Variants in SLC2A9 observed in about 807,000 individuals in gnomAD.
The protein encoded by SLC2A9 is solute carrier family 2, facilitated glucose transporter member 9.
SLC2A9 carries 39 observed loss-of-function variants against 50.6 expected under a neutral mutation model. The ratio of observed to expected loss-of-function variants is 0.77; its 90% confidence interval spans 0.60 to 1.01. SLC2A9 has a LOEUF of 1.01. Among genes scored for constraint, SLC2A9 ranks in the 50% least tolerant of loss-of-function variants. The pLI, the probability that SLC2A9 is intolerant of heterozygous loss-of-function variation, is 0.00. For synonymous variants in SLC2A9, 324 were observed against 276.9 expected (o/e 1.17, Z -1.69); for missense variants, 686 against 677.6 (o/e 1.01, Z -0.14).
intron 2 of SLC2A9, among the ~76,000 whole-genome samples, chr4:10,016,056 C>T (rs910007198): frequency 2.0e-5 from 3 of 152,150 alleles, no homozygotes; most frequent in Middle Eastern, 3.2e-3. Context: ...GCTCTGGGCT[C>T]CTCTAAAGTA....
chr4:10,033,210 G>A (rs1763990525), intron 1 of SLC2A9, among the ~76,000 whole-genome samples: 1 of 152,124 alleles, frequency 6.6e-6, no homozygotes, highest in Admixed American at 6.6e-5. Flanking sequence ...AAAGAGCTAA[G>A]GTTGTTTGTC....
intron 3 of SLC2A9, among the ~76,000 whole-genome samples, chr4:9,801,826 A>T (rs1246506409): frequency 6.6e-6 from 1 of 152,246 alleles, no homozygotes; most frequent in African/African-American, 2.4e-5. Flanking sequence ...GGGTTACAGG[A>T]TAGGGAGACC....
intron 5 of SLC2A9, among the ~76,000 whole-genome samples, chr4:9,962,530 A>G (rs1752426756): frequency 6.6e-6 from 1 of 152,174 alleles, no homozygotes; most frequent in African/African-American, 2.4e-5. Context: ...GAACACACGG[A>G]CACAGTGAGG....
At chr4:9,902,607 C>A (rs554263269) in intron 8 of SLC2A9, among the ~76,000 whole-genome samples, 213 of 152,206 alleles carry the variant, frequency 1.4e-3, no homozygotes, top group African/African-American at 4.9e-3. Flanking sequence ...CCTCTGGAGG[C>A]GCCAGGGAAG....
intron 3 of SLC2A9, chr4:9,792,995 C>T (rs1409345224): frequency 6.6e-6 from 1 of 152,332 alleles, no homozygotes; most frequent in African/African-American, 2.4e-5. Context: ...CTGCCTCAGC[C>T]TCCCGAGTAG....
intron 11 of SLC2A9, among the ~76,000 whole-genome samples, chr4:9,828,071 C>T (rs570471806): frequency 1.3e-5 from 2 of 152,302 alleles, no homozygotes; most frequent in East Asian, 1.9e-4. Context: ...AAAGTGGAGC[C>T]TCTAAAACTG....
Position 9,783,138 on chromosome 4 carries a change from C to A in SLC2A9, n.386-3073G>T, listed in dbSNP as rs1240193356. 6.2e-7 allele frequency: 1 copy of A among 1,614,252 alleles called. No individual in the cohort carries two copies. The highest frequency in any genetic ancestry group is 8.5e-7 in the Non-Finnish European group (1 of 1,180,052). ...AACGCCGACTTTCAGAAGGTGTTTG[C>A]CCAGCTGCTGGGGTGCAGCCACTTC... On this transcript the variant is annotated intron_variant and non_coding_transcript_variant, in intron 3 of 3. Coordinates refer to the SLC2A9 transcript ENST00000503803.
At position 9,894,416 on chromosome 4, in the gene SLC2A9, T is replaced by C. The variant is rs567337862; in HGVS notation, c.1114-3705A>G. On this transcript the variant is annotated intron_variant, in intron 8 of 11. Coordinates refer to ENST00000264784, the MANE Select transcript of SLC2A9 (RefSeq NM_020041.3). ...TGGAAAAATATATGCAGAAATAGTT[T>C]ATAATGGCTAACTCTGGTTGGGGGA... Among the ~76,000 whole-genome samples, 6 of 152,348 alleles carry C rather than the reference T, an allele frequency of 3.9e-5. No homozygotes were observed. The East Asian group carries it at 1.2e-3, about 29-fold the overall frequency.
intron 2 of SLC2A9, among the ~76,000 whole-genome samples, chr4:10,011,169 TAGAACATTGCTTCCA>T (rs1247746227): frequency 6.6e-6 from 1 of 152,224 alleles, no homozygotes; most frequent in Non-Finnish European, 1.5e-5. Flanking sequence ...TGCATTTCTT[TAGAACATTGCTTCCA>T]GAATCTTCCT....
At chr4:9,881,129 G>A (rs948612762) in intron 10 of SLC2A9, among the ~76,000 whole-genome samples, 1 of 152,162 alleles carries the variant, frequency 6.6e-6, no homozygotes, top group Non-Finnish European at 1.5e-5. Context: ...TGTTTGCTTT[G>A]GTTTTCTTTC....
downstream of SLC2A9, among the ~76,000 whole-genome samples, chr4:9,775,708 C>T (rs1184264273): frequency 6.6e-6 from 1 of 152,168 alleles, no homozygotes; most frequent in Non-Finnish European, 1.5e-5. Context: ...TTGTAAGCTT[C>T]CTGAGGCCTC....
At chr4:9,862,585 C>T (rs955751303) in intron 10 of SLC2A9, among the ~76,000 whole-genome samples, 1 of 151,994 alleles carries the variant, frequency 6.6e-6, no homozygotes, top group Admixed American at 6.5e-5. Context: ...AACAACACTG[C>T]AGCCTTTCCT....
At chr4:9,829,213 G>T (rs865912130) in intron 11 of SLC2A9, among the ~76,000 whole-genome samples, 5 of 152,062 alleles carry the variant, frequency 3.3e-5, no homozygotes, top group African/African-American at 1.2e-4. Flanking sequence ...GGACCAGCCC[G>T]GCCAACATTG....
chr4:9,793,098 A>G (rs1368339134), intron 3 of SLC2A9, among the ~76,000 whole-genome samples: 1 of 152,108 alleles, frequency 6.6e-6, no homozygotes, highest in Non-Finnish European at 1.5e-5. Context: ...TTAATGAAAG[A>G]CCCTTTGAGA....
chr4:9,887,449 C>T (rs753911726), intron 10 of SLC2A9, 118 bp downstream of exon 10: 2 of 948,350 alleles, frequency 2.1e-6, no homozygotes, highest in South Asian at 1.7e-5. Context: ...GACACACATC[C>T]CCAGTCAGGC....
chr4:9,833,892 G>A (rs1726598804), intron 11 of SLC2A9, among the ~76,000 whole-genome samples: 1 of 152,316 alleles, frequency 6.6e-6, no homozygotes, highest in Middle Eastern at 3.4e-3. Flanking sequence ...CATTTGAGCA[G>A]GGAAGCTTCA....
At chr4:9,932,970 T>C (rs976721325) in intron 6 of SLC2A9, among the ~76,000 whole-genome samples, 18 of 152,238 alleles carry the variant, frequency 1.2e-4, no homozygotes, top group Admixed American at 5.2e-4. Context: ...CCTCAGAGGC[T>C]GTGGTTCCCA....
intron 10 of SLC2A9, among the ~76,000 whole-genome samples, chr4:9,882,424 G>A (rs1735379648): frequency 6.6e-6 from 1 of 152,136 alleles, no homozygotes; most frequent in Non-Finnish European, 1.5e-5. Context: ...TGTGATTTGG[G>A]AAAAATTACT....
At chr4:9,774,498 C>T (rs536040878) in intron 1 of SLC2A9, among the ~76,000 whole-genome samples, 3 of 152,308 alleles carry the variant, frequency 2.0e-5, no homozygotes, top group African/African-American at 7.2e-5. Context: ...AGCCATTTGC[C>T]ATGCTGCCCA....
Sources: allele counts gnomAD v4.1 joint callset (sites outside exome capture counted in the v4.1 genomes callset), GRCh38; gene constraint gnomAD v4.1.1; transcripts MANE v1.5; gene names NCBI Gene and HGNC (gene_info 2026-07-23, HGNC 2026-07-21).